Variants in MAGI2 observed in about 807,000 individuals in gnomAD.
The protein encoded by MAGI2 is membrane associated guanylate kinase, WW and PDZ domain containing 2, also known as membrane-associated guanylate kinase, WW and PDZ domain-containing protein 2.
In MAGI2, 35 loss-of-function variants were observed where a neutral mutation model predicts 133.3. That is an observed-to-expected ratio of 0.26 (90% CI 0.20 to 0.35). The LOEUF is 0.35. Ranked by LOEUF, MAGI2 falls within the 10% of genes least tolerant of loss-of-function variation. MAGI2 has a pLI of 1.00. For synonymous variants in MAGI2, 729 were observed against 710.6 expected (o/e 1.03, Z -0.41); for missense variants, 1,636 against 1,863.4 (o/e 0.88, Z 2.25).
chr7:79,426,185 G>A (rs1170065204), intron 1 of MAGI2, among the ~76,000 whole-genome samples: 1 of 152,106 alleles, frequency 6.6e-6, no homozygotes, highest in Non-Finnish European at 1.5e-5. Context: ...ATGTCAAGCT[G>A]GGAATTATTA....
intron 1 of MAGI2, among the ~76,000 whole-genome samples, chr7:79,099,953 T>G (rs1817832474): frequency 6.6e-6 from 1 of 152,202 alleles, no homozygotes; most frequent in Non-Finnish European, 1.5e-5. Context: ...TAAATAATTG[T>G]GTATATGTCC....
At chr7:79,205,102 C>T (rs893845614) in intron 1 of MAGI2, among the ~76,000 whole-genome samples, 5 of 151,460 alleles carry the variant, frequency 3.3e-5, no homozygotes, top group South Asian at 4.2e-4. Flanking sequence ...TGGAGAAAGA[C>T]GCAAATATCC....
intron 9 of MAGI2, among the ~76,000 whole-genome samples, chr7:78,305,795 G>A (rs1025020135): frequency 1.6e-4 from 25 of 152,064 alleles, no homozygotes; most frequent in African/African-American, 6.0e-4. Context: ...TGGTAATATA[G>A]TCTTTTCAAA....
rs1169626171 is a variant in MAGI2, at chr7:78,177,447, GAC to G, written c.2403+562_2403+563del. 9.4e-4 allele frequency among the ~76,000 whole-genome samples: 131 copies of G among 139,366 alleles called. 1 individual carries two copies. The highest frequency in any genetic ancestry group is 1.7e-3 in the Non-Finnish European group (109 of 63,960). The allele number at this position is 139,366 out of a possible 152,430, so 91.4% of individuals were successfully genotyped here. ...ACACACACACACACACACACACACA[GAC>G]ACACACACACATACACACACACAAA... is the stretch of plus-strand genomic sequence containing the variant. On this transcript the variant is annotated intron_variant, in intron 14 of 21. Coordinates refer to ENST00000354212, the MANE Select transcript of MAGI2 (RefSeq NM_012301.4).
intron 2 of MAGI2, among the ~76,000 whole-genome samples, chr7:78,639,366 C>A (rs1291710224): frequency 3.9e-5 from 6 of 151,980 alleles, no homozygotes; most frequent in Non-Finnish European, 8.8e-5. Flanking sequence ...TTGAGGCTCT[C>A]AAGTACACAC....
intron 1 of MAGI2, among the ~76,000 whole-genome samples, chr7:79,020,141 G>A (rs979020771): frequency 6.6e-6 from 1 of 152,108 alleles, no homozygotes; most frequent in African/African-American, 2.4e-5. Flanking sequence ...TTGGGAACAG[G>A]AATAAAGGTG....
intron 1 of MAGI2, among the ~76,000 whole-genome samples, chr7:79,341,929 T>G (rs1279412323): frequency 6.6e-6 from 1 of 152,204 alleles, no homozygotes; most frequent in Non-Finnish European, 1.5e-5. Flanking sequence ...CCTACTTTCA[T>G]GCTATCTTGG....
At chr7:78,713,763 G>T (rs1353563) in intron 2 of MAGI2, among the ~76,000 whole-genome samples, 1 of 151,910 alleles carries the variant, frequency 6.6e-6, no homozygotes, top group African/African-American at 2.4e-5. Flanking sequence ...TCAGTATATA[G>T]TTTGTATACT....
At chr7:78,794,511 A>G (rs1286831897) in intron 2 of MAGI2, among the ~76,000 whole-genome samples, 1 of 152,146 alleles carries the variant, frequency 6.6e-6, no homozygotes. Flanking sequence ...TGTTTGCCAT[A>G]GGAAGATTTA....
intron 1 of MAGI2, among the ~76,000 whole-genome samples, chr7:79,014,852 G>T (rs576277066): frequency 6.6e-6 from 1 of 151,958 alleles, no homozygotes; most frequent in Non-Finnish European, 1.5e-5. Context: ...TAGAGTCTTG[G>T]TTTATTGCCT....
At position 79,360,561 on chromosome 7, in the gene MAGI2, C is replaced by T. The variant is rs965811715; in HGVS notation, c.301+92459G>A. 2.0e-5 allele frequency among the ~76,000 whole-genome samples: 3 copies of T among 151,860 alleles called. No homozygotes were observed. The South Asian group carries it at 6.2e-4, about 32-fold the overall frequency. On this transcript the variant is annotated intron_variant, in intron 1 of 21. Transcript: ENST00000354212. ...TAACACTATATGACTCTGAAGACAA[C>T]AATATTTAAAAGCGGGGTAGGAAAA...
chr7:78,212,544 C>T (rs146112444), intron 10 of MAGI2, among the ~76,000 whole-genome samples: 1,576 of 152,310 alleles, frequency 0.01, 24 homozygotes, highest in African/African-American at 0.035. Context: ...GAAAAGAATG[C>T]TGTTGTGCTG....
At chr7:79,058,141 G>C (rs958437100) in intron 1 of MAGI2, among the ~76,000 whole-genome samples, 3 of 151,842 alleles carry the variant, frequency 2.0e-5, no homozygotes, top group African/African-American at 7.3e-5. Context: ...AGAACAACAA[G>C]GCAAAAGACC....
At chr7:78,700,148 T>A (rs1266554335) in intron 2 of MAGI2, among the ~76,000 whole-genome samples, 1 of 152,192 alleles carries the variant, frequency 6.6e-6, no homozygotes, top group Non-Finnish European at 1.5e-5. Context: ...TATTTTGCTA[T>A]GTAATGAGGT....
chr7:78,509,560 C>T (rs1350759218), intron 4 of MAGI2, among the ~76,000 whole-genome samples: 2 of 152,136 alleles, frequency 1.3e-5, no homozygotes, highest in Admixed American at 1.3e-4. Context: ...CTTATAAATT[C>T]TATGGTTCTG....
chr7:78,244,532 T>A (rs1317093530), intron 10 of MAGI2, among the ~76,000 whole-genome samples: 1 of 152,188 alleles, frequency 6.6e-6, no homozygotes, highest in Admixed American at 6.5e-5. Context: ...TGAAGATAAT[T>A]AAATTATTTC....
At chr7:78,130,636 A>G (rs1042427317) in intron 18 of MAGI2, among the ~76,000 whole-genome samples, 1 of 152,244 alleles carries the variant, frequency 6.6e-6, no homozygotes, top group Admixed American at 6.5e-5. Context: ...GAGTTCAGCC[A>G]GGAAACCCGA....
intron 2 of MAGI2, among the ~76,000 whole-genome samples, chr7:78,984,096 T>C (rs1805030709): frequency 6.6e-6 from 1 of 152,028 alleles, no homozygotes; most frequent in African/African-American, 2.4e-5. Context: ...TCAGACAAAC[T>C]GATGTCATGT....
chr7:78,660,297 C>G (rs1256139825), intron 2 of MAGI2, among the ~76,000 whole-genome samples: 1 of 151,964 alleles, frequency 6.6e-6, no homozygotes, highest in African/African-American at 2.4e-5. Flanking sequence ...AAAAAAGACC[C>G]TATTCTTTTC....
Sources: gnomAD v4.1 joint callset for allele counts (sites outside exome capture counted in the v4.1 genomes callset) on GRCh38, gnomAD v4.1.1 for gene constraint, MANE v1.5 for transcripts, NCBI Gene and HGNC (gene_info 2026-07-23, HGNC 2026-07-21) for gene names.